PTPRD: variants seen among roughly 807,000 people sequenced by gnomAD.
PTPRD encodes the protein receptor-type tyrosine-protein phosphatase delta.
In PTPRD, 34 loss-of-function variants were observed where a neutral mutation model predicts 214.5. The observed-to-expected ratio is 0.16, with a 90% confidence interval of 0.12 to 0.21. The LOEUF (loss-of-function observed/expected upper bound fraction) is 0.21. Among genes scored for constraint, PTPRD ranks in the 10% least tolerant of loss-of-function variants. PTPRD has a pLI of 1.00. For synonymous variants in PTPRD, 1,128 were observed against 845.7 expected, an observed-to-expected ratio of 1.33 and a Z score of -5.79; for missense variants, 2,545 against 2,398.7, an observed-to-expected ratio of 1.06 and a Z score of -1.27.
chr9:8,587,395 G>T (rs927605972), intron 14 of PTPRD, among the ~76,000 whole-genome samples: 16 of 152,106 alleles, frequency 1.1e-4, no homozygotes, highest in African/African-American at 3.9e-4. Flanking sequence ...AGTAATGCAA[G>T]GTTTCTTCTA....
chr9:8,523,464 TTTAA>T, intron 19 of PTPRD, 45 bp downstream of exon 19: 2 of 1,594,144 alleles, frequency 1.3e-6, no homozygotes, highest in Non-Finnish European at 1.7e-6. Flanking sequence ...TTGTTATTGG[TTTAA>T]TTAATAGTTT....
At chr9:10,033,171 T>C (rs2097114051) in intron 4 of PTPRD, among the ~76,000 whole-genome samples, 2 of 150,988 alleles carry the variant, frequency 1.3e-5, no homozygotes, top group South Asian at 2.1e-4. Flanking sequence ...AAAATATTTA[T>C]GAGAGAGAGA....
At chr9:10,029,382 T>G (rs920762707) in intron 4 of PTPRD, among the ~76,000 whole-genome samples, 3 of 152,124 alleles carry the variant, frequency 2.0e-5, no homozygotes, top group African/African-American at 7.2e-5. Context: ...TGACACCTTA[T>G]ACTGTGCACT....
intron 9 of PTPRD, among the ~76,000 whole-genome samples, chr9:9,334,308 T>C (rs1450871209): frequency 6.6e-6 from 1 of 152,006 alleles, no homozygotes; most frequent in African/African-American, 2.4e-5. Context: ...TTGATGGAAC[T>C]GAGAAGTATT....
Position 10,204,013 on chromosome 9 carries a change from T to C in PTPRD, c.-545+136950A>G, listed in dbSNP as rs755072313. Among the ~76,000 whole-genome samples, 9 of 152,154 alleles carry C rather than the reference T, an allele frequency of 5.9e-5. No individual in the cohort carries two copies. The East Asian group carries it at 1.7e-3, about 29-fold the overall frequency. ...CAGATGCATGTTTTCCCTCCCCCAC[T>C]CCCCAATAGTGAAAAAAGAAAATAG... is the stretch of plus-strand genomic sequence containing the variant. On this transcript the variant is annotated intron_variant, in intron 3 of 45. Coordinates refer to ENST00000381196, the MANE Select transcript of PTPRD (RefSeq NM_002839.4).
chr9:9,065,944 G>C (rs1057372356), intron 10 of PTPRD, among the ~76,000 whole-genome samples: 24 of 152,136 alleles, frequency 1.6e-4, no homozygotes, highest in African/African-American at 5.1e-4. Context: ...AATTATACAA[G>C]AATATGCATG....
chr9:10,051,913 T>C (rs291254), intron 3 of PTPRD, among the ~76,000 whole-genome samples: 13,923 of 152,188 alleles, frequency 0.091, 1,149 homozygotes, highest in African/African-American at 0.21. Flanking sequence ...AGCAACCACA[T>C]GTTTTACTTA....
At chr9:10,215,982 G>C (rs2099539362) in intron 3 of PTPRD, among the ~76,000 whole-genome samples, 1 of 151,888 alleles carries the variant, frequency 6.6e-6, no homozygotes, top group Non-Finnish European at 1.5e-5. Context: ...ATCAATAGTG[G>C]CAAGACTGAG....
chr9:9,073,538 T>C (rs2099746853), intron 10 of PTPRD, among the ~76,000 whole-genome samples: 1 of 152,086 alleles, frequency 6.6e-6, no homozygotes, highest in South Asian at 2.1e-4. Context: ...TATGAATGGG[T>C]CTCATTAAAT....
At chr9:10,612,146 A>T (rs1483066927) in intron 2 of PTPRD, among the ~76,000 whole-genome samples, 1 of 150,886 alleles carries the variant, frequency 6.6e-6, no homozygotes, top group African/African-American at 2.4e-5. Flanking sequence ...AACGTTTAAA[A>T]ATCAGTTTTC....
chr9:8,357,875 G>T (rs1005394580), intron 39 of PTPRD, among the ~76,000 whole-genome samples: 6 of 152,158 alleles, frequency 3.9e-5, no homozygotes, highest in Non-Finnish European at 8.8e-5. Flanking sequence ...ATGAATGTAA[G>T]TATCCTACAG....
At chr9:9,918,205 C>A (rs1285858425) in intron 5 of PTPRD, among the ~76,000 whole-genome samples, 6 of 151,414 alleles carry the variant, frequency 4.0e-5, no homozygotes, top group Non-Finnish European at 5.9e-5. Flanking sequence ...AGCAAGGTTG[C>A]AGAATATAAA....
intron 10 of PTPRD, among the ~76,000 whole-genome samples, chr9:9,180,475 A>T (rs549441647): frequency 4.7e-5 from 7 of 149,330 alleles, no homozygotes; most frequent in African/African-American, 1.2e-4. Flanking sequence ...GAGGGATAGC[A>T]TTAGGAGATA....
At chr9:9,139,194 G>T (rs368828693) in intron 10 of PTPRD, among the ~76,000 whole-genome samples, 16 of 149,002 alleles carry the variant, frequency 1.1e-4, no homozygotes, top group Non-Finnish European at 2.2e-4. Context: ...TATTTACTAT[G>T]TTTTTTTCTG....
rs1199178483 is a variant in PTPRD, at chr9:8,948,438, TACA to T, written c.-104+70256_-104+70258del. Among the ~76,000 whole-genome samples the T allele has an allele frequency of 1.4e-3, 8 of 5,876 alleles. 1 individual carries two copies. The highest frequency in any genetic ancestry group is 2.1e-3 in the Non-Finnish European group (5 of 2,326). 3.9% of individuals were successfully genotyped at this position (5,876 alleles called of 152,430 possible). A position where few individuals can be genotyped will look rare whatever the true frequency, so the allele number is the denominator to read the frequency against. On this transcript the variant is annotated intron_variant, in intron 11 of 45. Transcript: ENST00000381196. ...ATATATATATATTTATATATATATT[TACA>T]TATATATATATTTATATATATATTT...
At chr9:9,382,771 C>T (rs1214247655) in intron 9 of PTPRD, among the ~76,000 whole-genome samples, 1 of 151,950 alleles carries the variant, frequency 6.6e-6, no homozygotes, top group Non-Finnish European at 1.5e-5. Context: ...AAAAATAAAA[C>T]TTATCATATG....
chr9:8,388,432 G>T (rs911486129), intron 37 of PTPRD, among the ~76,000 whole-genome samples: 6 of 152,142 alleles, frequency 3.9e-5, no homozygotes, highest in Admixed American at 2.0e-4. Context: ...TGTCTTCAAT[G>T]AAGTTTCAGA....
intron 14 of PTPRD, among the ~76,000 whole-genome samples, chr9:8,532,908 G>C (rs977153722): frequency 9.9e-5 from 15 of 152,172 alleles, no homozygotes; most frequent in African/African-American, 3.4e-4. Context: ...TAAGGAAAGA[G>C]AAAAATGAAT....
In PTPRD at chr9:10,584,294, A is replaced by T. The variant is rs549375226; in HGVS notation, c.-600+28104T>A. 7.2e-5 allele frequency among the ~76,000 whole-genome samples: 11 copies of T among 152,316 alleles called. No individual in the cohort carries two copies. In the East Asian group the frequency reaches 2.1e-3, roughly 29 times the overall value. On this transcript the variant is annotated intron_variant, in intron 2 of 45. Transcript: ENST00000381196. ...GTATTTGGCTCCTATCCCAACATGG[A>T]TCTATCAAAATACAGCTTAGTTTCC...
Sources: gnomAD v4.1 joint callset for allele counts (sites outside exome capture counted in the v4.1 genomes callset) on GRCh38, gnomAD v4.1.1 for gene constraint, MANE v1.5 for transcripts, NCBI Gene and HGNC (gene_info 2026-07-23, HGNC 2026-07-21) for gene names.